PCDHGB3: variants seen among roughly 807,000 people sequenced by gnomAD.
PCDHGB3 encodes the protein protocadherin gamma-B3.
In PCDHGB3, 40 loss-of-function variants were observed where a neutral mutation model predicts 59.2. That is an observed-to-expected ratio of 0.68 (90% CI 0.52 to 0.88). The LOEUF (loss-of-function observed/expected upper bound fraction) is 0.88. Ranked by LOEUF, PCDHGB3 falls within the 40% of genes least tolerant of loss-of-function variation. The pLI is 0.00. For synonymous variants in PCDHGB3, 581 were observed against 503.6 expected, an observed-to-expected ratio of 1.15 and a Z score of -2.06; for missense variants, 1,309 against 1,187.9, an observed-to-expected ratio of 1.10 and a Z score of -1.50.
In PCDHGB3 at chr5:141,503,993, C is replaced by T. The variant is rs376134059; in HGVS notation, c.2475-1400C>T. Reference sequence around the variant, plus strand: ...GTGCCAAACCCTTCTTCTTACCTTACAGTCACTTAACTGTCTCTGCTGGTC... The same window carrying T: ...GTGCCAAACCCTTCTTCTTACCTTATAGTCACTTAACTGTCTCTGCTGGTC... On this transcript the variant is annotated intron_variant, in intron 2 of 3. Transcript: ENST00000576222. Among the ~76,000 whole-genome samples, 13 of 152,312 alleles carry T rather than the reference C, an allele frequency of 8.5e-5. 1 individual carries two copies. In the East Asian group the frequency reaches 1.7e-3, roughly 20 times the overall value.
At chr5:141,460,849 G>A (rs908955373) in intron 1 of PCDHGB3, among the ~76,000 whole-genome samples, 1 of 150,224 alleles carries the variant, frequency 6.7e-6, no homozygotes, top group Non-Finnish European at 1.5e-5. Flanking sequence ...CCTCCAGTTC[G>A]ATCCAAGTTG....
intron 1 of PCDHGB3, chr5:141,409,553 G>T: frequency 6.2e-7 from 1 of 1,613,972 alleles, no homozygotes; most frequent in Non-Finnish European, 8.5e-7. Context: ...CAACGCCCCA[G>T]TTTTCGACCA....
At chr5:141,382,125 GC>G (rs1470370841) in intron 1 of PCDHGB3, among the ~76,000 whole-genome samples, 1 of 151,872 alleles carries the variant, frequency 6.6e-6, no homozygotes, top group East Asian at 1.9e-4. Flanking sequence ...ACAGCACCTG[GC>G]CCCCCCTCTC....
rs200317374 is a variant in PCDHGB3, at chr5:141,408,395, A to C, written c.2415+35586A>C. 29 of 1,613,856 alleles carry C rather than the reference A, an allele frequency of 1.8e-5. No homozygotes were observed. The South Asian group carries it at 3.0e-4, about 16-fold the overall frequency. On this transcript the variant is annotated intron_variant, in intron 1 of 3. Transcript: ENST00000576222. ...CAGTGTCCTGGATGTGTCGGCTCGC[A>C]AGCTGCGAGTGAGCGCGGAGAAGCT...
intron 1 of PCDHGB3, chr5:141,388,959 G>C: frequency 6.2e-7 from 1 of 1,613,996 alleles, no homozygotes; most frequent in Non-Finnish European, 8.5e-7. Flanking sequence ...GGAGGACGCC[G>C]AGCTGGGAAC....
Position 141,421,822 on chromosome 5 carries a change from G to A in PCDHGB3, c.2415+49013G>A, listed in dbSNP as rs2096603648. On this transcript the variant is annotated intron_variant, in intron 1 of 3. Transcript: ENST00000576222. ...CAAGAATCCAGAGCTAGTACTGGAG[G>A]GAAGCCTGGACCGAGAGAAAGAGGC... 3.7e-6 allele frequency: 6 copies of A among 1,613,690 alleles called. No homozygotes were observed. The East Asian group carries it at 1.1e-4, about 30-fold the overall frequency.
In PCDHGB3 at chr5:141,409,971, A is replaced by G. The variant is rs758876775; in HGVS notation, c.2415+37162A>G. On this transcript the variant is annotated intron_variant, in intron 1 of 3. Coordinates refer to ENST00000576222, the MANE Select transcript of PCDHGB3 (RefSeq NM_018924.5). ...GCAGAGCCCGGCTACCTAGTGACTAAGGTGGTAGCGGTGGACGCCGACTCG... is the reference window on the plus strand; with the variant it reads ...GCAGAGCCCGGCTACCTAGTGACTAGGGTGGTAGCGGTGGACGCCGACTCG... 2.9e-5 allele frequency: 47 copies of G among 1,613,202 alleles called. No homozygotes were observed. The highest frequency in any genetic ancestry group is 3.8e-5 in the Non-Finnish European group (45 of 1,179,806).
In PCDHGB3 at chr5:141,372,439, C is replaced by G; in HGVS notation, c.2045C>G (p.Ser682Cys). ...QPDLSDRPTP[S>C]DPQAELQFHL... Reference sequence around the variant, plus strand: ...GACCTTAGCGACCGCCCCACTCCCTCTGACCCTCAGGCGGAGCTACAGTTT... The same window carrying G: ...GACCTTAGCGACCGCCCCACTCCCTGTGACCCTCAGGCGGAGCTACAGTTT... The change falls in exon 1 of 4, where the codon TCT becomes TGT. Residue 682 changes from serine (S) to cysteine (C), a missense_variant. Physicochemically the swap from Ser to Cys is moderately radical, Grantham distance 112. Coordinates refer to ENST00000576222, the MANE Select transcript of PCDHGB3 (RefSeq NM_018924.5). The G allele has an allele frequency of 1.2e-6, 2 of 1,614,068 alleles. No homozygotes were observed. The highest frequency in any genetic ancestry group is 1.7e-6 in the Non-Finnish European group (2 of 1,179,896).
At position 141,399,778 on chromosome 5, in the gene PCDHGB3, C is replaced by T. The variant is rs187080333; in HGVS notation, c.2415+26969C>T. 2.5e-6 allele frequency: 4 copies of T among 1,613,250 alleles called. No individual in the cohort carries two copies. The South Asian group carries it at 3.3e-5, about 13-fold the overall frequency. On this transcript the variant is annotated intron_variant, in intron 1 of 3. Transcript: ENST00000576222. ...GAGCCTGCGCGTGTTGGTGGGCGAC[C>T]GAAACGACAACGCACCGCGGGTGCT...
intron 3 of PCDHGB3, among the ~76,000 whole-genome samples, chr5:141,508,848 TC>T (rs1390332366): frequency 6.6e-5 from 10 of 151,752 alleles, no homozygotes. Context: ...CCCCTTCCAT[TC>T]CCAGGCTGGG....
rs1267965791 is a variant in PCDHGB3, at chr5:141,431,329, G to C, written c.2415+58520G>C. 1 of 1,614,002 alleles carries C rather than the reference G, an allele frequency of 6.2e-7. No individual in the cohort carries two copies. Among genetic ancestry groups the C allele is most frequent in the East Asian group, 2.2e-5 (1 of 44,904 alleles). On this transcript the variant is annotated intron_variant, in intron 1 of 3. Coordinates refer to ENST00000576222, the MANE Select transcript of PCDHGB3 (RefSeq NM_018924.5). The surrounding 1 kb of genome is among the most constrained non-coding windows in gnomAD (Gnocchi z 4.8). ...TGCAAAATGGAGCCGACGGTAGTAA[G>C]TACCCCGAATTGGTGCTGAAACGCG...
chr5:141,383,838 C>T, intron 1 of PCDHGB3: 1 of 1,613,892 alleles, frequency 6.2e-7, no homozygotes, highest in East Asian at 2.2e-5. Flanking sequence ...AAGAAACTGC[C>T]TTCTATGAAA....
intron 1 of PCDHGB3, among the ~76,000 whole-genome samples, chr5:141,381,826 C>CTT (rs770630741): frequency 0.12 from 9,186 of 74,154 alleles, 568 homozygotes; most frequent in African/African-American, 0.16. Context: ...CTTTCTTCTT[C>CTT]TTTTTTTTTT....
chr5:141,478,849 C>A, intron 1 of PCDHGB3: 1 of 1,375,282 alleles, frequency 7.3e-7, no homozygotes, highest in Non-Finnish European at 9.6e-7. Flanking sequence ...TAAGCTAAAA[C>A]ACAAGATCTC....
intron 1 of PCDHGB3, chr5:141,394,715 C>T (rs776573423): frequency 6.2e-7 from 1 of 1,613,304 alleles, no homozygotes; most frequent in African/African-American, 1.3e-5. Flanking sequence ...CCCTGCTGGA[C>T]AGAGATGCGC....
Position 141,489,629 on chromosome 5 carries a change from C to G in PCDHGB3, c.2416-5178C>G. 6.2e-7 allele frequency: 1 copy of G among 1,614,142 alleles called. No individual in the cohort carries two copies. The highest frequency in any genetic ancestry group is 8.5e-7 in the Non-Finnish European group (1 of 1,180,014). On this transcript the variant is annotated intron_variant, in intron 1 of 3. Coordinates refer to ENST00000576222, the MANE Select transcript of PCDHGB3 (RefSeq NM_018924.5). The surrounding 1 kb of genome is among the most constrained non-coding windows in gnomAD (Gnocchi z 4.5). Reference sequence around the variant, plus strand: ...GAGATCCTGGATCTCAATGACAACTCTCCTAGCTTTGCCACCCCTGAGCGA... The same window carrying G: ...GAGATCCTGGATCTCAATGACAACTGTCCTAGCTTTGCCACCCCTGAGCGA...
At chr5:141,428,112 A>G (rs2097111373) in intron 1 of PCDHGB3, 1 of 1,607,642 alleles carries the variant, frequency 6.2e-7, no homozygotes, top group Non-Finnish European at 8.5e-7. Context: ...GCTGCAGGCC[A>G]TCGAGCCCGG....
rs776276298 is a variant in PCDHGB3, at chr5:141,372,254, C to A, written c.1860C>A (p.Gly620=). The A allele has an allele frequency of 5.6e-6, 9 of 1,612,978 alleles. No individual in the cohort carries two copies. Among genetic ancestry groups the A allele is most frequent in the Admixed American group, 1.7e-5 (1 of 59,984 alleles). The part of the protein sequence containing the change: ...QASEPGLFSL[G]LRTGEVRTAR... ...GCGAGCCCGGGCTGTTCAGCCTGGG[C>A]CTGCGCACGGGTGAGGTGCGCACGG... is the stretch of plus-strand genomic sequence containing the variant. The change falls in exon 1 of 4, where the codon GGC becomes GGA. Residue 620 remains glycine, a synonymous_variant. Coordinates refer to ENST00000576222, the MANE Select transcript of PCDHGB3 (RefSeq NM_018924.5).
At chr5:141,508,662 T>G (rs2099870759) in intron 3 of PCDHGB3, among the ~76,000 whole-genome samples, 1 of 152,122 alleles carries the variant, frequency 6.6e-6, no homozygotes, top group Non-Finnish European at 1.5e-5. Context: ...CCTGTCATTC[T>G]GTCTCTGCCT....
Sources: gnomAD v4.1 joint callset for allele counts (sites outside exome capture counted in the v4.1 genomes callset) on GRCh38, gnomAD v4.1.1 for gene constraint, Gnocchi (gnomAD v3.1) non-coding constraint, MANE v1.5 for transcripts, NCBI Gene and HGNC (gene_info 2026-07-23, HGNC 2026-07-21) for gene names.